ZNF280D: variants seen among roughly 807,000 people sequenced by gnomAD.
The protein encoded by ZNF280D is zinc finger protein 280D, also known as suppressor of hairy wing homolog 4.
A neutral mutation model predicts 94.7 loss-of-function variants in ZNF280D; 39 were observed. The observed-to-expected ratio is 0.41, with a 90% CI of 0.32 to 0.54. The LOEUF is 0.54. Among genes scored for constraint, ZNF280D ranks in the 20% least tolerant of loss-of-function variants. The pLI is 0.22. For missense variants in ZNF280D, 1,090 were observed against 1,149.3 expected (o/e 0.95, Z 0.75); for synonymous variants, 398 against 377.6 (o/e 1.05, Z -0.63).
At chr15:56,723,702 C>G (rs1405213411) in intron 1 of ZNF280D, among the ~76,000 whole-genome samples, 1 of 152,014 alleles carries the variant, frequency 6.6e-6, no homozygotes, top group Non-Finnish European at 1.5e-5. Context: ...TTTCCCACAC[C>G]ATCCTTGCCT....
In ZNF280D at chr15:56,682,452, T is replaced by C; in HGVS notation, c.806A>G (p.Asn269Ser). The C allele has an allele frequency of 1.3e-6, 2 of 1,553,836 alleles. No individual in the cohort carries two copies. Among genetic ancestry groups the C allele is most frequent in the Non-Finnish European group, 1.7e-6 (2 of 1,159,348 alleles). The change falls in exon 10 of 22, where the codon AAC becomes AGC. Residue 269 changes from asparagine to serine, a missense_variant. Transcript: ENST00000267807. The part of the protein sequence containing the change: ...MKYCCPDMIN[N>S]FLGLAKTEFS... ...TTCTGTTTTAGCCAGTCCCAAAAAG[T>C]TATTTATCATGTCTGGACAACAATA... is the stretch of plus-strand genomic sequence containing the variant.
chr15:56,697,164 C>A lies in ZNF280D; in HGVS notation c.381+3769G>T, dbSNP rs370483387. 3.1e-4 allele frequency among the ~76,000 whole-genome samples: 47 copies of A among 152,100 alleles called. No homozygotes were observed. In the South Asian group the frequency reaches 7.9e-3, roughly 26 times the overall value. On this transcript the variant is annotated intron_variant, in intron 6 of 21. Coordinates refer to ENST00000267807, the MANE Select transcript of ZNF280D (RefSeq NM_017661.4). ...ATTTTTACATTCTGGGTACCTTTCC[C>A]GCTATACCTTCAGGAACACCTATTA...
At chr15:56,678,360 T>A (rs1399407707) in intron 11 of ZNF280D, among the ~76,000 whole-genome samples, 1 of 152,184 alleles carries the variant, frequency 6.6e-6, no homozygotes, top group Non-Finnish European at 1.5e-5. Flanking sequence ...AAAGTTTAAA[T>A]GAAGAGCAAT....
intron 6 of ZNF280D, among the ~76,000 whole-genome samples, chr15:56,696,847 TAAA>T (rs1388490913): frequency 6.6e-6 from 1 of 152,176 alleles, no homozygotes; most frequent in Non-Finnish European, 1.5e-5. Flanking sequence ...TCTCATTTTT[TAAA>T]AGAACCCAAG....
intron 17 of ZNF280D, 70 bp downstream of exon 17, chr15:56,658,354 G>T: frequency 9.1e-7 from 1 of 1,102,820 alleles, no homozygotes; most frequent in Non-Finnish European, 1.3e-6. Context: ...CAATAAAGCT[G>T]TTGTGTTAAA....
chr15:56,656,206 G>A (rs958082897), intron 17 of ZNF280D, among the ~76,000 whole-genome samples: 14 of 152,094 alleles, frequency 9.2e-5, no homozygotes, highest in African/African-American at 3.4e-4. Flanking sequence ...ATCTTTACAG[G>A]ACCTGCTACT....
At chr15:56,704,045 T>C (rs1158611949) in intron 4 of ZNF280D, 76 bp downstream of exon 4, 7 of 1,507,946 alleles carry the variant, frequency 4.6e-6, no homozygotes, top group African/African-American at 2.8e-5. Flanking sequence ...ATCAACTACC[T>C]ATTAAACAGT....
At chr15:56,660,633 GTTT>G (rs1401040120) in intron 16 of ZNF280D, among the ~76,000 whole-genome samples, 2 of 151,790 alleles carry the variant, frequency 1.3e-5, no homozygotes, top group Non-Finnish European at 1.5e-5. Context: ...TCTAAGAAAG[GTTT>G]TTTATTACAA....
chr15:56,728,089 T>C (rs1193326829), intron 1 of ZNF280D, among the ~76,000 whole-genome samples: 1 of 151,960 alleles, frequency 6.6e-6, no homozygotes, highest in Non-Finnish European at 1.5e-5. Context: ...TGGAGTGCAG[T>C]GACACAATTG....
chr15:56,651,938 G>A lies in ZNF280D; in HGVS notation c.2213+2260C>T, dbSNP rs376774139. On this transcript the variant is annotated intron_variant, in intron 19 of 21. Transcript: ENST00000267807. ...TATGACCAAGGTAAGGTGAATATCT[G>A]TAAATGAACTAATGTTAAAAATGGA... Among the ~76,000 whole-genome samples, 225 of 151,400 alleles carry A rather than the reference G, an allele frequency of 1.5e-3. 2 individuals are homozygous for A. In the South Asian group the frequency reaches 0.023, roughly 15 times the overall value.
intron 1 of ZNF280D, among the ~76,000 whole-genome samples, chr15:56,715,711 TA>T (rs2058005719): frequency 6.6e-6 from 1 of 152,046 alleles, no homozygotes; most frequent in Non-Finnish European, 1.5e-5. Context: ...AACAGTTTTG[TA>T]TTTGCCCAAA....
In ZNF280D at chr15:56,630,710, T is replaced by C. The variant is rs1390347203; in HGVS notation, c.*788A>G. 2.6e-5 allele frequency: 4 copies of C among 152,038 alleles called. No homozygotes were observed. The East Asian group carries it at 7.7e-4, about 29-fold the overall frequency. 9.4% of individuals were successfully genotyped at this position (152,038 alleles called of 1,614,324 possible). On this transcript the variant is annotated 3_prime_UTR_variant, in exon 22 of 22. Transcript: ENST00000267807. ...TAGCTACAGGAGTTTCAACAATGGGTTTCTACTTTACATTAATACAACTAA... is the reference window on the plus strand; with the variant it reads ...TAGCTACAGGAGTTTCAACAATGGGCTTCTACTTTACATTAATACAACTAA...
At position 56,700,920 on chromosome 15, in the gene ZNF280D, T is replaced by C; in HGVS notation, c.381+13A>G. On this transcript the variant is annotated intron_variant, in intron 6 of 21. Coordinates refer to ENST00000267807, the MANE Select transcript of ZNF280D (RefSeq NM_017661.4). ...GATCCCTGAGCTGGCCGTATAGTTT[T>C]AGAAACACTTACAGGTTTAGAAAAA... 2 of 1,613,862 alleles carry C rather than the reference T, an allele frequency of 1.2e-6. No individual in the cohort carries two copies. Among genetic ancestry groups the C allele is most frequent in the African/African-American group, 1.3e-5 (1 of 75,040 alleles).
intron 19 of ZNF280D, among the ~76,000 whole-genome samples, chr15:56,643,439 A>G (rs891995331): frequency 7.3e-5 from 11 of 151,710 alleles, no homozygotes; most frequent in Non-Finnish European, 1.5e-4. Context: ...CTATTGTGAA[A>G]TTCAACTAAA....
intron 14 of ZNF280D, chr15:56,668,009 C>T (rs887862149): frequency 1.5e-4 from 54 of 359,972 alleles, no homozygotes; most frequent in Middle Eastern, 1.9e-3. Context: ...TAGTGTTCTG[C>T]ATGTCTAGTC....
Position 56,689,038 on chromosome 15 carries a change from T to C in ZNF280D, c.780+3A>G. 6.3e-7 allele frequency: 1 copy of C among 1,587,754 alleles called. No homozygotes were observed. Among genetic ancestry groups the C allele is most frequent in the Non-Finnish European group, 8.6e-7 (1 of 1,166,632 alleles). Reference sequence around the variant, plus strand: ...TACAAATTAAATTTTGAAAGAGTTTTACCTTCATGTGATTTTTCAAAGGAT... The same window carrying C: ...TACAAATTAAATTTTGAAAGAGTTTCACCTTCATGTGATTTTTCAAAGGAT... On this transcript the variant is annotated splice_donor_region_variant and intron_variant, in intron 9 of 21. Transcript: ENST00000267807.
intron 1 of ZNF280D, among the ~76,000 whole-genome samples, chr15:56,720,138 G>A (rs1158233022): frequency 6.6e-6 from 1 of 152,186 alleles, no homozygotes; most frequent in Non-Finnish European, 1.5e-5. Flanking sequence ...TTGATCCACA[G>A]TAGAACTCCT....
intron 9 of ZNF280D, 60 bp from the exon 10 acceptor site, chr15:56,682,537 A>G: frequency 9.1e-7 from 1 of 1,101,612 alleles, no homozygotes; most frequent in South Asian, 1.6e-5. Flanking sequence ...AAAACCACAT[A>G]CCAAAAAGTG....
chr15:56,660,099 G>C (rs1326237576), intron 16 of ZNF280D, among the ~76,000 whole-genome samples: 1 of 151,930 alleles, frequency 6.6e-6, no homozygotes, highest in African/African-American at 2.4e-5. Context: ...CAAAAACAAA[G>C]TTTTGTTAGA....
Sources: allele counts gnomAD v4.1 joint callset (sites outside exome capture counted in the v4.1 genomes callset), GRCh38; gene constraint gnomAD v4.1.1; transcripts MANE v1.5; gene names NCBI Gene and HGNC (gene_info 2026-07-23, HGNC 2026-07-21).